Variants in POPDC1 observed in about 807,000 individuals in gnomAD.
POPDC1 encodes the protein popeye domain-containing protein 1.
the POPDC1 span, among the ~76,000 whole-genome samples, chr6:105,126,252 AAAAAGAAAGAAAGAAAAG>A: frequency 6.6e-6 from 1 of 151,456 alleles, no homozygotes; most frequent in Non-Finnish European, 1.5e-5. Context: ...TAAAAATAAA[AAAAAGAAAGAAAGAAAAG>A]AAAAGAAAGA....
At chr6:105,105,229 T>C in the POPDC1 span, among the ~76,000 whole-genome samples, 2 of 152,208 alleles carry the variant, frequency 1.3e-5, no homozygotes, top group African/African-American at 4.8e-5. Flanking sequence ...TTGCTCTTTT[T>C]CCACCTTGGT....
chr6:105,113,887 G>A, the POPDC1 span, among the ~76,000 whole-genome samples: 499 of 146,614 alleles, frequency 3.4e-3, no homozygotes, highest in African/African-American at 0.012. Flanking sequence ...ATCTGTAATT[G>A]TACCAATGTA....
chr6:105,133,479 A>C, the POPDC1 span: 5 of 1,613,922 alleles, frequency 3.1e-6, no homozygotes, highest in Non-Finnish European at 3.4e-6. Flanking sequence ...AGTTTTCACA[A>C]GTGGTCTTAT....
the POPDC1 span, chr6:105,124,623 T>G: frequency 6.2e-7 from 1 of 1,611,926 alleles, no homozygotes; most frequent in Admixed American, 1.7e-5. Context: ...GTAAATGTTA[T>G]GCAGAAAATG....
chr6:105,115,340 A>C, the POPDC1 span, among the ~76,000 whole-genome samples: 4 of 152,246 alleles, frequency 2.6e-5, no homozygotes, highest in South Asian at 6.2e-4. Flanking sequence ...CGCCCGCCTC[A>C]GCCTCCCAAA....
At chr6:105,113,831 T>TTTA in the POPDC1 span, among the ~76,000 whole-genome samples, 115,764 of 146,780 alleles carry the variant, frequency 0.79, 48,395 homozygotes, top group Non-Finnish European at 0.91. Flanking sequence ...TTTTTTTTTT[T>TTTA]ATAGAGACAA....
the POPDC1 span, among the ~76,000 whole-genome samples, chr6:105,119,875 C>T: frequency 5.3e-5 from 8 of 152,236 alleles, no homozygotes; most frequent in South Asian, 4.1e-4. Context: ...AAATTACTTT[C>T]GACCTGTTTA....
the POPDC1 span, among the ~76,000 whole-genome samples, chr6:105,121,654 T>C: frequency 2.0e-5 from 3 of 152,202 alleles, no homozygotes; most frequent in African/African-American, 7.2e-5. Flanking sequence ...AAAATCACTA[T>C]AAGTACCTAG....
the POPDC1 span, among the ~76,000 whole-genome samples, chr6:105,132,950 G>A: frequency 6.6e-6 from 1 of 152,144 alleles, no homozygotes; most frequent in African/African-American, 2.4e-5. Context: ...CAACAACTTT[G>A]GGAGGTGGTA....
At chr6:105,111,729 A>T in the POPDC1 span, among the ~76,000 whole-genome samples, 1 of 152,214 alleles carries the variant, frequency 6.6e-6, no homozygotes, top group African/African-American at 2.4e-5. Context: ...CTGTGGATTT[A>T]GCATTGTGTG....
chr6:105,103,788 G>A, the POPDC1 span, among the ~76,000 whole-genome samples: 39 of 152,256 alleles, frequency 2.6e-4, no homozygotes, highest in South Asian at 7.1e-3. Flanking sequence ...TCTATACTCT[G>A]GAGCCACAAT....
chr6:105,117,828 T>C, the POPDC1 span, among the ~76,000 whole-genome samples: 1 of 152,208 alleles, frequency 6.6e-6, no homozygotes, highest in African/African-American at 2.4e-5. Context: ...TGCATGACTG[T>C]TGTATGAAGG....
At chr6:105,127,347 A>G in the POPDC1 span, among the ~76,000 whole-genome samples, 16 of 152,320 alleles carry the variant, frequency 1.1e-4, no homozygotes, top group African/African-American at 3.8e-4. Context: ...TGACATTCAG[A>G]AAATGCAATC....
chr6:105,129,213 TA>T, the POPDC1 span, among the ~76,000 whole-genome samples: 1 of 110,188 alleles, frequency 9.1e-6, no homozygotes, highest in East Asian at 2.7e-4. Context: ...TTCGTGGTAC[TA>T]AAATGTTTCA....
At chr6:105,101,127 C>A in the POPDC1 span, 6 of 1,613,532 alleles carry the variant, frequency 3.7e-6, no homozygotes, top group Non-Finnish European at 5.1e-6. Flanking sequence ...TTTGGAGATG[C>A]CGGTTCAAAA....
At chr6:105,123,548 C>T in the POPDC1 span, among the ~76,000 whole-genome samples, 142 of 152,024 alleles carry the variant, frequency 9.3e-4, no homozygotes, top group Admixed American at 9.0e-3. Flanking sequence ...CTACAGGTGC[C>T]CACCACCACG....
At chr6:105,129,368 T>G in the POPDC1 span, 1 of 1,591,486 alleles carries the variant, frequency 6.3e-7, no homozygotes. Flanking sequence ...TTAATTAATT[T>G]TAATAATTAC....
chr6:105,117,919 G>A, the POPDC1 span, among the ~76,000 whole-genome samples: 1 of 152,098 alleles, frequency 6.6e-6, no homozygotes, highest in South Asian at 2.1e-4. Flanking sequence ...GGTGGCATGT[G>A]CCTGTAGTCC....
the POPDC1 span, among the ~76,000 whole-genome samples, chr6:105,111,596 G>T: frequency 6.6e-6 from 1 of 152,212 alleles, no homozygotes; most frequent in Admixed American, 6.5e-5. Flanking sequence ...TAAATGAACT[G>T]AATTATGAAC....
Sources: allele counts gnomAD v4.1 joint callset (sites outside exome capture counted in the v4.1 genomes callset), GRCh38; gene constraint gnomAD v4.1.1; transcripts MANE v1.5; gene names NCBI Gene and HGNC (gene_info 2026-07-23, HGNC 2026-07-21).